The following ARFGEF2 variants were observed in gnomAD, a reference collection of about 807,000 sequenced individuals.
The protein encoded by ARFGEF2 is ARF guanine nucleotide exchange factor 2.
Under a neutral mutation model 219.9 loss-of-function variants are expected in ARFGEF2, and 74 were observed. The ratio of observed to expected loss-of-function variants is 0.34; its 90% confidence interval spans 0.28 to 0.41. The LOEUF (loss-of-function observed/expected upper bound fraction) is 0.41, where lower values mean the gene tolerates loss of function less well. Among genes scored for constraint, ARFGEF2 ranks in the 10% least tolerant of loss-of-function variants. ARFGEF2 has a pLI of 1.00. For synonymous variants in ARFGEF2, 733 were observed against 799.2 expected (o/e 0.92, Z 1.40); for missense variants, 1,743 against 2,218.3 (o/e 0.79, Z 4.30).
In ARFGEF2 at chr20:48,989,549, A is replaced by G. The variant is rs368404592; in HGVS notation, c.2686-7A>G. ...TGGATGTTATTGAAATCTTCCTTCC[A>G]TGATAGCTGGTGTGGACGCCACTAT... On this transcript the variant is annotated splice_polypyrimidine_tract_variant and splice_region_variant and intron_variant, in intron 19 of 38. Transcript: ENST00000371917. 38 of 1,614,082 alleles carry G rather than the reference A, an allele frequency of 2.4e-5. No homozygotes were observed. In the South Asian group the frequency reaches 3.4e-4, roughly 14 times the overall value.
intron 38 of ARFGEF2, 140 bp downstream of exon 38, chr20:49,032,306 G>C: frequency 1.4e-6 from 1 of 737,010 alleles, no homozygotes; most frequent in Non-Finnish European, 2.5e-6. Flanking sequence ...ATGCATTGGA[G>C]AGAAGTTAAT....
chr20:49,005,275 G>A, intron 26 of ARFGEF2, 54 bp downstream of exon 26: 1 of 1,608,946 alleles, frequency 6.2e-7, no homozygotes, highest in Non-Finnish European at 8.5e-7. Flanking sequence ...GGGGCTCCCA[G>A]AAGCCCTCCT....
intron 26 of ARFGEF2, 63 bp downstream of exon 26, chr20:49,005,284 C>G: frequency 6.3e-7 from 1 of 1,590,848 alleles, no homozygotes. Context: ...AGAAGCCCTC[C>G]TAACACTAAC....
At chr20:48,998,048 C>G (rs571624568) in intron 23 of ARFGEF2, 145 bp from the exon 24 acceptor site, 1 of 726,136 alleles carries the variant, frequency 1.4e-6, no homozygotes, top group East Asian at 2.8e-5. Flanking sequence ...TTATTAGAGA[C>G]AAGGTTTCAC....
At chr20:48,972,291 T>A in intron 10 of ARFGEF2, 35 bp from the exon 11 acceptor site, 1 of 1,485,148 alleles carries the variant, frequency 6.7e-7, no homozygotes, top group African/African-American at 1.4e-5. Context: ...TTGAAACTGT[T>A]AATTAGTGTC....
intron 16 of ARFGEF2, 143 bp downstream of exon 16, chr20:48,985,756 A>C: frequency 2.2e-6 from 2 of 910,598 alleles, no homozygotes; most frequent in South Asian, 2.8e-5. Flanking sequence ...CACTGTGCTA[A>C]GGGATTATTT....
At chr20:48,983,760 A>ATC (rs1318279458) in intron 14 of ARFGEF2, among the ~76,000 whole-genome samples, 7 of 152,214 alleles carry the variant, frequency 4.6e-5, no homozygotes, top group Admixed American at 3.9e-4. Flanking sequence ...CAACTGCACT[A>ATC]TCTAAACAGG....
chr20:48,924,168 T>C (rs1417054650), intron 1 of ARFGEF2, among the ~76,000 whole-genome samples: 1 of 152,230 alleles, frequency 6.6e-6, no homozygotes, highest in East Asian at 1.9e-4. Flanking sequence ...GTGATATTTC[T>C]CTCTGTCTCT....
At chr20:48,997,254 T>C (rs1344265311) in intron 23 of ARFGEF2, among the ~76,000 whole-genome samples, 1 of 141,252 alleles carries the variant, frequency 7.1e-6, no homozygotes, top group Non-Finnish European at 1.5e-5. Flanking sequence ...TTTCTTGTAC[T>C]ATATCTTATG....
intron 28 of ARFGEF2, 39 bp from the exon 29 acceptor site, chr20:49,013,525 A>G (rs1388911691): frequency 5.6e-6 from 9 of 1,613,766 alleles, no homozygotes; most frequent in East Asian, 2.2e-5. Context: ...TTCCTTTTGC[A>G]TGCTTAGTTT....
intron 1 of ARFGEF2, among the ~76,000 whole-genome samples, chr20:48,934,567 A>G (rs1261695947): frequency 6.6e-6 from 1 of 151,866 alleles, no homozygotes; most frequent in African/African-American, 2.4e-5. Flanking sequence ...ATGTGTTCTC[A>G]TTGTTCAGCT....
Position 48,926,722 on chromosome 20 carries a change from C to G in ARFGEF2, c.121+4712C>G, listed in dbSNP as rs1365763147. On this transcript the variant is annotated intron_variant, in intron 1 of 38. Transcript: ENST00000371917. ...ATATCTCTTCATCAGCAGTAAACTC[C>G]CTCTTATTAATTCTGGAGTTGTGAC... 3.3e-5 allele frequency among the ~76,000 whole-genome samples: 5 copies of G among 152,044 alleles called. No individual in the cohort carries two copies. The East Asian group carries it at 9.6e-4, about 29-fold the overall frequency.
Position 48,921,968 on chromosome 20 carries a change from C to A in ARFGEF2, c.79C>A (p.Pro27Thr). 1.3e-6 allele frequency: 2 copies of A among 1,576,108 alleles called. No individual in the cohort carries two copies. The highest frequency in any genetic ancestry group is 1.8e-5 in the Admixed American group (1 of 54,064). The change falls in exon 1 of 39, where the codon CCC becomes ACC. Residue 27 changes from proline to threonine, a missense_variant. Transcript: ENST00000371917. ...KILADKEVKR[P>T]QHSQLRRACQ... ...CCTAGCCGACAAGGAGGTGAAGCGGCCCCAGCACTCCCAGCTGCGCAGGGC... is the reference window on the plus strand; with the variant it reads ...CCTAGCCGACAAGGAGGTGAAGCGGACCCAGCACTCCCAGCTGCGCAGGGC...
intron 1 of ARFGEF2, among the ~76,000 whole-genome samples, chr20:48,940,806 C>A (rs1285323182): frequency 6.6e-6 from 1 of 152,052 alleles, no homozygotes; most frequent in African/African-American, 2.4e-5. Flanking sequence ...CTCCTGGTAT[C>A]CAGTGGATGG....
rs766069204 is a variant in ARFGEF2, at chr20:48,994,589, C to T, written c.3112C>T (p.Leu1038Phe). The change falls in exon 22 of 39, where the codon CTT becomes TTT. Residue 1038 changes from leucine to phenylalanine, a missense_variant. Leu to Phe is a conservative substitution (Grantham distance 22). Coordinates refer to ENST00000371917, the MANE Select transcript of ARFGEF2 (RefSeq NM_006420.3). ...HTLAGEEFMGLGLGNLVSGGV... is the reference protein window; with the variant it reads ...HTLAGEEFMGFGLGNLVSGGV... The stretch of plus-strand genomic sequence containing the variant: ...ATTGGCAGGAGAAGAGTTCATGGGC[C>T]TTGGCCTCGGTAAGACACCAGGCCC... The T allele has an allele frequency of 3.1e-5, 50 of 1,613,690 alleles. No homozygotes were observed. The highest frequency in any genetic ancestry group is 3.7e-5 in the Non-Finnish European group (44 of 1,180,030).
At position 48,967,412 on chromosome 20, in the gene ARFGEF2, G is replaced by C. The variant is rs1385302671; in HGVS notation, c.1059+1389G>C. Among the ~76,000 whole-genome samples the C allele has an allele frequency of 2.6e-5, 4 of 152,146 alleles. No individual in the cohort carries two copies. The East Asian group carries it at 7.7e-4, about 29-fold the overall frequency. On this transcript the variant is annotated intron_variant, in intron 8 of 38. Transcript: ENST00000371917. ...TGGTTCTATAATGAATATCCTTATA[G>C]ATAACTCTTAATTCTTTCTTAGGAA...
intron 9 of ARFGEF2, among the ~76,000 whole-genome samples, 166 bp downstream of exon 9, chr20:48,969,443 T>A (rs369468667): frequency 1.3e-5 from 2 of 152,200 alleles, no homozygotes; most frequent in East Asian, 1.9e-4. Context: ...GTCTCTAGAG[T>A]CCTTTCATAT....
intron 1 of ARFGEF2, among the ~76,000 whole-genome samples, chr20:48,936,344 G>T (rs1056964366): frequency 8.6e-5 from 13 of 151,302 alleles, no homozygotes. Context: ...GGCTGGGCGG[G>T]GGGCTGACCC....
intron 14 of ARFGEF2, 109 bp from the exon 15 acceptor site, chr20:48,984,620 C>T (rs1421648074): frequency 2.0e-5 from 28 of 1,388,040 alleles, no homozygotes; most frequent in African/African-American, 4.3e-5. Flanking sequence ...CTAGCTTATA[C>T]GTGATGGCAT....
Sources: gnomAD v4.1 joint callset for allele counts (sites outside exome capture counted in the v4.1 genomes callset) on GRCh38, gnomAD v4.1.1 for gene constraint, MANE v1.5 for transcripts, NCBI Gene and HGNC (gene_info 2026-07-23, HGNC 2026-07-21) for gene names.